Variants in UBE3C observed in about 807,000 individuals in gnomAD.
The protein encoded by UBE3C is ubiquitin protein ligase E3C.
Under a neutral mutation model 129.4 loss-of-function variants are expected in UBE3C, and 42 were observed. The observed-to-expected ratio is 0.32, with a 90% confidence interval of 0.25 to 0.42. UBE3C has a LOEUF of 0.42. UBE3C is among the 10% of genes least tolerant of loss of function. The pLI, the probability that UBE3C is intolerant of heterozygous loss-of-function variation, is 1.00. For synonymous variants in UBE3C, 510 were observed against 492.4 expected (o/e 1.04, Z -0.47); for missense variants, 1,049 against 1,319.1 (o/e 0.80, Z 3.17).
At chr7:157,196,980 A>G (rs1809138777) in intron 10 of UBE3C, among the ~76,000 whole-genome samples, 1 of 152,196 alleles carries the variant, frequency 6.6e-6, no homozygotes, top group Non-Finnish European at 1.5e-5. Flanking sequence ...AAAAAAAAGA[A>G]TTGCTGAACT....
At chr7:157,262,302 T>C (rs1385929594) in intron 22 of UBE3C, among the ~76,000 whole-genome samples, 1 of 151,234 alleles carries the variant, frequency 6.6e-6, no homozygotes, top group Non-Finnish European at 1.5e-5. Flanking sequence ...ACAATGGATT[T>C]TAGCACATAT....
intron 18 of UBE3C, among the ~76,000 whole-genome samples, chr7:157,247,518 C>A (rs1016493203): frequency 6.6e-6 from 1 of 152,158 alleles, no homozygotes; most frequent in Non-Finnish European, 1.5e-5. Context: ...ATGGCAAAAC[C>A]CCGTCTCTAC....
intron 18 of UBE3C, among the ~76,000 whole-genome samples, chr7:157,241,752 A>G (rs1003045162): frequency 2.0e-5 from 3 of 152,224 alleles, no homozygotes; most frequent in African/African-American, 4.8e-5. Flanking sequence ...AAAAGATGGA[A>G]ATGACTCAAA....
At chr7:157,252,873 C>A (rs929004087) in intron 19 of UBE3C, among the ~76,000 whole-genome samples, 6 of 152,184 alleles carry the variant, frequency 3.9e-5, no homozygotes, top group African/African-American at 1.2e-4. Context: ...CCTCATCTAA[C>A]CCCAGGAATG....
chr7:157,163,693 G>C lies in UBE3C; in HGVS notation c.67-117G>C. The C allele has an allele frequency of 2.8e-6, 3 of 1,074,920 alleles. No individual in the cohort carries two copies. In the South Asian group the frequency reaches 4.4e-5, roughly 16 times the overall value. 66.6% of individuals were successfully genotyped at this position (1,074,920 alleles called of 1,614,324 possible). ...TCTCTCATCTGATTAAGTCAAGACA[G>C]CTTGTTTGGATGATCTTTAGGATCT... On this transcript the variant is annotated intron_variant, in intron 1 of 22. Coordinates refer to ENST00000348165, the MANE Select transcript of UBE3C (RefSeq NM_014671.3).
chr7:157,224,770 G>A (rs927010987), intron 16 of UBE3C, among the ~76,000 whole-genome samples: 1 of 111,650 alleles, frequency 9.0e-6, no homozygotes, highest in East Asian at 2.8e-4. Context: ...CTCCCTGCAC[G>A]TGCGTACACA....
chr7:157,243,219 G>A (rs1028016789), intron 18 of UBE3C, among the ~76,000 whole-genome samples: 1 of 152,194 alleles, frequency 6.6e-6, no homozygotes, highest in African/African-American at 2.4e-5. Context: ...AGTGAAAGCC[G>A]AGTTGGAGAT....
intron 18 of UBE3C, among the ~76,000 whole-genome samples, chr7:157,236,963 C>T (rs1158685987): frequency 6.6e-6 from 1 of 152,088 alleles, no homozygotes; most frequent in Non-Finnish European, 1.5e-5. Flanking sequence ...AAATCCTGAC[C>T]TCAGGTGATC....
chr7:157,220,643 T>G lies in UBE3C; in HGVS notation c.1915-46T>G, dbSNP rs1424826273. 7 of 1,610,418 alleles carry G rather than the reference T, an allele frequency of 4.3e-6. No individual in the cohort carries two copies. In the Admixed American group the frequency reaches 1.2e-4, roughly 27 times the overall value. On this transcript the variant is annotated intron_variant, in intron 14 of 22. Transcript: ENST00000348165. ...GTTCAAGTGTGATCAGGTCAAAGTG[T>G]GTGCTAGAGCACAGGGGAGTTCTGA...
intron 16 of UBE3C, among the ~76,000 whole-genome samples, chr7:157,224,181 A>G (rs576978359): frequency 2.0e-5 from 3 of 151,864 alleles, no homozygotes; most frequent in Non-Finnish European, 4.4e-5. Flanking sequence ...GCCTGGAAAC[A>G]CTACTTTATT....
intron 7 of UBE3C, 96 bp from the exon 8 acceptor site, chr7:157,182,012 T>A (rs767751832): frequency 2.7e-5 from 34 of 1,274,414 alleles, no homozygotes; most frequent in Non-Finnish European, 3.5e-5. Flanking sequence ...GAGTAGATTA[T>A]CCTTTTAGAA....
intron 8 of UBE3C, among the ~76,000 whole-genome samples, chr7:157,183,528 G>T (rs749926772): frequency 1.3e-5 from 2 of 152,088 alleles, no homozygotes; most frequent in African/African-American, 4.8e-5. Context: ...AAGTTGGTGC[G>T]TGGGGCTGAA....
At chr7:157,237,297 C>T (rs1469690564) in intron 18 of UBE3C, among the ~76,000 whole-genome samples, 2 of 151,832 alleles carry the variant, frequency 1.3e-5, no homozygotes, top group Non-Finnish European at 2.9e-5. Flanking sequence ...AAAAATTAGC[C>T]GGGCGTGGTG....
rs898546598 is a variant in UBE3C, at chr7:157,269,105, C to T, written c.*1350C>T. ...TTCTTAATTTGAATAATAAATTAAG[C>T]GTTTAAATGCTATTTGTAGTCTTGA... is the stretch of plus-strand genomic sequence containing the variant. On this transcript the variant is annotated 3_prime_UTR_variant, in exon 23 of 23. Transcript: ENST00000348165. 6.6e-6 allele frequency: 1 copy of T among 152,400 alleles called. No homozygotes were observed. Among genetic ancestry groups the T allele is most frequent in the African/African-American group, 2.4e-5 (1 of 41,366 alleles). The allele number at this position is 152,400 out of a possible 1,614,324, so 9.4% of individuals were successfully genotyped here.
chr7:157,201,860 C>A, intron 11 of UBE3C, 53 bp downstream of exon 11: 2 of 1,476,300 alleles, frequency 1.4e-6, no homozygotes, highest in Non-Finnish European at 1.9e-6. Context: ...GAAGTGGCAG[C>A]CTAATCAAAA....
chr7:157,168,006 A>G (rs926681822), intron 2 of UBE3C, among the ~76,000 whole-genome samples: 2 of 152,206 alleles, frequency 1.3e-5, no homozygotes, highest in Admixed American at 6.5e-5. Flanking sequence ...AGTGACCTTT[A>G]AAATAGATGC....
intron 2 of UBE3C, among the ~76,000 whole-genome samples, chr7:157,167,445 T>G (rs1432122792): frequency 2.0e-5 from 3 of 152,214 alleles, no homozygotes; most frequent in Non-Finnish European, 4.4e-5. Flanking sequence ...TGCTTAATTT[T>G]TATAGCAGTC....
chr7:157,164,997 C>G (rs536979590), intron 2 of UBE3C, among the ~76,000 whole-genome samples: 80 of 152,274 alleles, frequency 5.3e-4, no homozygotes, highest in South Asian at 4.6e-3. Context: ...GGGAACTGCT[C>G]TGTACATTGG....
At chr7:157,232,180 T>C (rs552581930) in intron 18 of UBE3C, among the ~76,000 whole-genome samples, 7 of 152,280 alleles carry the variant, frequency 4.6e-5, no homozygotes, top group African/African-American at 1.7e-4. Context: ...GTCATTGTAT[T>C]GGGGTCTTCC....
Sources: allele counts gnomAD v4.1 joint callset (sites outside exome capture counted in the v4.1 genomes callset), GRCh38; gene constraint gnomAD v4.1.1; transcripts MANE v1.5; gene names NCBI Gene and HGNC (gene_info 2026-07-23, HGNC 2026-07-21).